CHST6: variants seen among roughly 807,000 people sequenced by gnomAD.
CHST6 encodes carbohydrate sulfotransferase 6.
For synonymous variants in CHST6, 309 were observed against 276.4 expected (o/e 1.12, Z -1.17); for missense variants, 698 against 586.2 (o/e 1.19, Z -1.97).
At position 75,479,246 on chromosome 16, in the gene CHST6, G is replaced by A; in HGVS notation, c.583C>T (p.Leu195=). ...YPLLSDPALN[L]RIVHLVRDPR... is the part of the protein sequence containing the mutation. ...TCGCGCACCAGGTGCACGATGCGTA[G>A]GTTGAGCGCGGGGTCGCTGAGCAGC... Residue 195 remains leucine (L), a synonymous_variant, in exon 3 of 3, where the codon CTA becomes TTA. Coordinates refer to ENST00000332272, the MANE Select transcript of CHST6 (RefSeq NM_021615.5). 6.2e-7 allele frequency: 1 copy of A among 1,612,208 alleles called. No individual in the cohort carries two copies. The highest frequency in any genetic ancestry group is 8.5e-7 in the Non-Finnish European group (1 of 1,179,744).
At chr16:75,482,998 A>G (rs751305433) in intron 1 of CHST6, among the ~76,000 whole-genome samples, 9 of 152,220 alleles carry the variant, frequency 5.9e-5, no homozygotes, top group Non-Finnish European at 1.0e-4. Context: ...CTTCCTGCCA[A>G]TGGGGCGCCG....
At chr16:75,481,148 C>T (rs549928212) in intron 2 of CHST6, among the ~76,000 whole-genome samples, 13 of 150,974 alleles carry the variant, frequency 8.6e-5, no homozygotes, top group East Asian at 3.9e-4. Context: ...TGGTGGAGTG[C>T]GCCTGTGGTC....
chr16:75,495,422 C>G lies in CHST6; in HGVS notation c.-574G>C, dbSNP rs1009721333. ...GCGCACACAATGAGGCGCTTTCAGA[C>G]GTGGCTGCGGTCCCGAGGTGGCCAG... On this transcript the variant is annotated 5_prime_UTR_variant, in exon 1 of 3. Transcript: ENST00000332272. The G allele has an allele frequency of 6.6e-6, 1 of 152,258 alleles. No homozygotes were observed. Among genetic ancestry groups the G allele is most frequent in the African/African-American group, 2.4e-5 (1 of 41,464 alleles). The allele number at this position is 152,258 out of a possible 1,614,324, so 9.4% of individuals were successfully genotyped here.
rs1308201467 is a variant in CHST6, at chr16:75,479,834, C to T, written c.-6G>A. On this transcript the variant is annotated 5_prime_UTR_variant, in exon 3 of 3. Transcript: ENST00000332272. ...GAGACGCGCGGCAGCCACATGCTGA[C>T]TGCTGGGGGCCTTAGGGAGGAGAGC... 1.9e-6 allele frequency: 3 copies of T among 1,550,364 alleles called. No individual in the cohort carries two copies. Among genetic ancestry groups the T allele is most frequent in the Non-Finnish European group, 1.7e-6 (2 of 1,150,016 alleles).
intron 2 of CHST6, 100 bp from the exon 3 acceptor site, chr16:75,479,944 C>A: frequency 2.0e-6 from 2 of 985,744 alleles, no homozygotes; most frequent in South Asian, 1.5e-5. Flanking sequence ...CCACCAGACC[C>A]GAGCATCCCA....
rs1300165234 is a variant in CHST6, at chr16:75,475,926, C to G, written c.*2715G>C. The G allele has an allele frequency of 6.6e-6, 1 of 152,148 alleles. No individual in the cohort carries two copies. Among genetic ancestry groups the G allele is most frequent in the Non-Finnish European group, 1.5e-5 (1 of 68,036 alleles). 9.4% of individuals were successfully genotyped at this position (152,148 alleles called of 1,614,324 possible). A position where few individuals can be genotyped will look rare whatever the true frequency, so the allele number is the denominator to read the frequency against. Reference sequence around the variant, plus strand: ...AGTGGCATTATCTCGGCTCACTGCACTGTCCGCCTCCTGGATTCAAGGGAT... The same window carrying G: ...AGTGGCATTATCTCGGCTCACTGCAGTGTCCGCCTCCTGGATTCAAGGGAT... On this transcript the variant is annotated 3_prime_UTR_variant, in exon 3 of 3. Coordinates refer to ENST00000332272, the MANE Select transcript of CHST6 (RefSeq NM_021615.5).
At chr16:75,492,888 T>A (rs150209515) in intron 1 of CHST6, among the ~76,000 whole-genome samples, 36 of 151,890 alleles carry the variant, frequency 2.4e-4, no homozygotes, top group African/African-American at 8.4e-4. Context: ...AAAAAACACA[T>A]AGTCAAATGC....
Position 75,495,387 on chromosome 16 carries a change from G to C in CHST6, c.-539C>G, listed in dbSNP as rs2080299096. The C allele has an allele frequency of 6.6e-6, 1 of 152,308 alleles. No individual in the cohort carries two copies. The allele number at this position is 152,308 out of a possible 1,614,324, so 9.4% of individuals were successfully genotyped here. The stretch of plus-strand genomic sequence containing the variant: ...GCAACCCTCGGCGCTGCCCGGTGCA[G>C]CCCGCCCGAGCGCACACAATGAGGC... On this transcript the variant is annotated 5_prime_UTR_variant, in exon 1 of 3. Coordinates refer to ENST00000332272, the MANE Select transcript of CHST6 (RefSeq NM_021615.5).
Position 75,478,784 on chromosome 16 carries a change from A to G in CHST6, c.1045T>C (p.Cys349Arg), listed in dbSNP as rs757969228. 1.2e-6 allele frequency: 2 copies of G among 1,613,488 alleles called. No homozygotes were observed. Among genetic ancestry groups the G allele is most frequent in the Non-Finnish European group, 1.7e-6 (2 of 1,179,992 alleles). ...CCCAGCAGCTGCAGCGCACCAGCGC[A>G]CAGTTCCTGCACGCGGCGGATCTTG... ...FAKIRRVQELCAGALQLLGYR... is the reference protein window; with the variant it reads ...FAKIRRVQELRAGALQLLGYR... Residue 349 changes from cysteine to arginine, a missense_variant, in exon 3 of 3, where the codon TGC becomes CGC. Coordinates refer to ENST00000332272, the MANE Select transcript of CHST6 (RefSeq NM_021615.5).
In CHST6 at chr16:75,478,994, C is replaced by A; in HGVS notation, c.835G>T (p.Glu279Ter). 6.2e-7 allele frequency: 1 copy of A among 1,612,374 alleles called. No homozygotes were observed. Among genetic ancestry groups the A allele is most frequent in the Non-Finnish European group, 8.5e-7 (1 of 1,179,938 alleles). The part of the protein sequence containing the change: ...RLVRFEDLAR[E>*]PLAEIRALYA... ...AGCGCACGGATTTCTGCCAGCGGCT[C>A]CCGCGCCAGGTCCTCGAAGCGCACC... The change falls in exon 3 of 3, where the codon GAG (glutamate) becomes TAG (stop). Residue 279 changes from glutamate to a stop codon, truncating the protein, a stop_gained. Transcript: ENST00000332272. LOFTEE classifies it low-confidence loss of function (END_TRUNC).
At position 75,476,882 on chromosome 16, in the gene CHST6, T is replaced by A. The variant is rs551339110; in HGVS notation, c.*1759A>T. 6.6e-5 allele frequency: 10 copies of A among 152,074 alleles called. No individual in the cohort carries two copies. Among genetic ancestry groups the A allele is most frequent in the Non-Finnish European group, 2.9e-5 (2 of 68,090 alleles). The allele number at this position is 152,074 out of a possible 1,614,324, so 9.4% of individuals were successfully genotyped here. On this transcript the variant is annotated 3_prime_UTR_variant, in exon 3 of 3. Transcript: ENST00000332272. Reference sequence around the variant, plus strand: ...GCCTCAGCTTCCCGAGGAGCTGGGATTACAGGTATGTGCGACCATGCCTCG... The same window carrying A: ...GCCTCAGCTTCCCGAGGAGCTGGGAATACAGGTATGTGCGACCATGCCTCG...
intron 1 of CHST6, among the ~76,000 whole-genome samples, chr16:75,491,746 T>C (rs977740961): frequency 3.3e-5 from 5 of 152,172 alleles, no homozygotes; most frequent in African/African-American, 9.7e-5. Context: ...AATGATAAAA[T>C]CAGAAATTTC....
rs535118139 is a variant in CHST6, at chr16:75,474,518, C to T, written c.*4123G>A. On this transcript the variant is annotated 3_prime_UTR_variant, in exon 3 of 3. Coordinates refer to ENST00000332272, the MANE Select transcript of CHST6 (RefSeq NM_021615.5). ...CTTGAGTGCCTGGTCTCAAGTGATC[C>T]TCCTGCCTCAGCCTTGCAAAGTATT... 3.3e-5 allele frequency: 13 copies of T among 396,962 alleles called. No individual in the cohort carries two copies. The highest frequency in any genetic ancestry group is 2.5e-4 in the African/African-American group (12 of 48,586). 24.6% of individuals were successfully genotyped at this position (396,962 alleles called of 1,614,324 possible).
rs538179316 is a variant in CHST6 at position 75,488,105 on chromosome 16, C to G, written c.-91-6214G>C. ...GAATCTAAGGGAACAAAATGTAACA[C>G]TAGGTATAGATCCCAGGTTTAGATT... On this transcript the variant is annotated intron_variant, in intron 1 of 2. Coordinates refer to ENST00000332272, the MANE Select transcript of CHST6 (RefSeq NM_021615.5). 5.3e-5 allele frequency among the ~76,000 whole-genome samples: 8 copies of G among 152,288 alleles called. 1 individual carries two copies. In the South Asian group the frequency reaches 1.7e-3, roughly 32 times the overall value.
Position 75,479,207 on chromosome 16 carries a change from G to T in CHST6, c.622C>A (p.Leu208Met). Residue 208 changes from leucine (L) to methionine (M), a missense_variant, in exon 3 of 3, where the codon CTG (leucine) becomes ATG (methionine). Coordinates refer to ENST00000332272, the MANE Select transcript of CHST6 (RefSeq NM_021615.5). ...TTGGCTGTCTGCTCCCGGGAGCGCA[G>T]CACGGCCCGCGGGTCGCGCACCAGG... ...VHLVRDPRAV[L>M]RSREQTAKAL... 6.2e-7 allele frequency: 1 copy of T among 1,609,504 alleles called. No individual in the cohort carries two copies. The highest frequency in any genetic ancestry group is 8.5e-7 in the Non-Finnish European group (1 of 1,179,290).
chr16:75,483,154 C>T lies in CHST6; in HGVS notation c.-91-1263G>A, dbSNP rs532266067. On this transcript the variant is annotated intron_variant, in intron 1 of 2. Transcript: ENST00000332272. Reference sequence around the variant, plus strand: ...AAAGACTCAAGGCTTGGAGAGACAGCGAGAAAGCTGGGACCCCAGGACTCC... The same window carrying T: ...AAAGACTCAAGGCTTGGAGAGACAGTGAGAAAGCTGGGACCCCAGGACTCC... Among the ~76,000 whole-genome samples, 27 of 152,334 alleles carry T rather than the reference C, an allele frequency of 1.8e-4. No individual in the cohort carries two copies. In the East Asian group the frequency reaches 3.5e-3, roughly 20 times the overall value.
chr16:75,488,908 A>G (rs1376175880), intron 1 of CHST6, among the ~76,000 whole-genome samples: 2 of 151,872 alleles, frequency 1.3e-5, no homozygotes, highest in Non-Finnish European at 2.9e-5. Flanking sequence ...AAAACCAAAA[A>G]CAAAACATAA....
rs1032541102 is a variant in CHST6 at position 75,474,298 on chromosome 16, G to A, written c.*4343C>T. The stretch of plus-strand genomic sequence containing the variant: ...AGATGGGGTCATTTATTTAGAGATA[G>A]GTGTCTTGCTCTGTCACTCAGGCTG... On this transcript the variant is annotated 3_prime_UTR_variant, in exon 3 of 3. Transcript: ENST00000332272. 5.1e-5 allele frequency: 16 copies of A among 316,444 alleles called. No homozygotes were observed. The highest frequency in any genetic ancestry group is 8.6e-4 in the Middle Eastern group (1 of 1,166). The allele number at this position is 316,444 out of a possible 1,614,324, so 19.6% of individuals were successfully genotyped here.
In CHST6 at chr16:75,478,796, C is replaced by T. The variant is rs528292322; in HGVS notation, c.1033G>A (p.Val345Met). Residue 345 changes from valine (V) to methionine (M), a missense_variant, in exon 3 of 3, where the codon GTG becomes ATG. Physicochemically the swap from Val to Met is conservative, Grantham distance 21. Coordinates refer to ENST00000332272, the MANE Select transcript of CHST6 (RefSeq NM_021615.5). ...HALPFAKIRR[V>M]QELCAGALQL... The stretch of plus-strand genomic sequence containing the variant: ...AGCGCACCAGCGCACAGTTCCTGCA[C>T]GCGGCGGATCTTGGCAAAGGGCAGC... 69 of 1,613,366 alleles carry T rather than the reference C, an allele frequency of 4.3e-5. No homozygotes were observed. Among genetic ancestry groups the T allele is most frequent in the Admixed American group, 1.2e-4 (7 of 60,010 alleles).
Sources: allele counts gnomAD v4.1 joint callset (sites outside exome capture counted in the v4.1 genomes callset), GRCh38; gene constraint gnomAD v4.1.1; transcripts MANE v1.5; gene names NCBI Gene and HGNC (gene_info 2026-07-23, HGNC 2026-07-21).